Variants in KDM4C observed in about 807,000 individuals in gnomAD.
The protein encoded by KDM4C is lysine demethylase 4C.
KDM4C carries 81 observed loss-of-function variants against 129.3 expected under a neutral mutation model. The ratio of observed to expected loss-of-function variants is 0.63; its 90% CI spans 0.52 to 0.75. The LOEUF (loss-of-function observed/expected upper bound fraction) is 0.75. KDM4C is among the 30% of genes least tolerant of loss of function. KDM4C has a pLI of 0.00. For missense variants in KDM4C, 1,457 were observed against 1,304.0 expected (o/e 1.12, Z -1.81); for synonymous variants, 573 against 456.1 (o/e 1.26, Z -3.26).
At chr9:7,030,031 C>G (rs961342647) in intron 15 of KDM4C, among the ~76,000 whole-genome samples, 3 of 151,954 alleles carry the variant, frequency 2.0e-5, no homozygotes, top group Admixed American at 6.6e-5. Context: ...TACCTATAAT[C>G]TAGATATTAA....
chr9:7,096,583 A>T (rs1836463810), intron 17 of KDM4C, among the ~76,000 whole-genome samples: 1 of 152,336 alleles, frequency 6.6e-6, no homozygotes, highest in African/African-American at 2.4e-5. Flanking sequence ...AATACTACAT[A>T]TTCCCTACCT....
Position 7,165,287 on chromosome 9 carries a change from A to C in KDM4C, c.2831A>C (p.Gln944Pro). The C allele has an allele frequency of 6.2e-7, 1 of 1,614,180 alleles. No homozygotes were observed. The highest frequency in any genetic ancestry group is 8.5e-7 in the Non-Finnish European group (1 of 1,180,010). Reference protein sequence around the residue: ...LGPPAEGEVVQVKWPDGKLYG... With the variant: ...LGPPAEGEVVPVKWPDGKLYG... Reference sequence around the variant, plus strand: ...CCACCTGCTGAGGGAGAAGTCGTCCAAGTCAAGTGGCCCGATGGCAAACTC... The same window carrying C: ...CCACCTGCTGAGGGAGAAGTCGTCCCAGTCAAGTGGCCCGATGGCAAACTC... Residue 944 changes from glutamine to proline, a missense_variant, in exon 20 of 22, where the codon CAA (glutamine) becomes CCA (proline). Physicochemically the swap from Gln to Pro is moderately conservative, Grantham distance 76 (BLOSUM62 -1). Transcript: ENST00000381309.
chr9:7,076,583 A>G, intron 17 of KDM4C: 1 of 1,500,282 alleles, frequency 6.7e-7, no homozygotes, highest in African/African-American at 1.4e-5. Flanking sequence ...AGCAGCCAGC[A>G]TCGTGTTTAG....
At chr9:6,827,159 G>C (rs986067816) in intron 4 of KDM4C, among the ~76,000 whole-genome samples, 37 of 152,170 alleles carry the variant, frequency 2.4e-4, no homozygotes, top group Middle Eastern at 3.2e-3. Flanking sequence ...AAACATCACA[G>C]AATATTTGAC....
chr9:7,067,089 T>C (rs1832526693), intron 17 of KDM4C, among the ~76,000 whole-genome samples: 1 of 152,212 alleles, frequency 6.6e-6, no homozygotes, highest in Non-Finnish European at 1.5e-5. Flanking sequence ...AAATCACTCC[T>C]TTTCCTGGCA....
At chr9:6,802,857 T>G (rs1829272507) in intron 2 of KDM4C, among the ~76,000 whole-genome samples, 1 of 152,256 alleles carries the variant, frequency 6.6e-6, no homozygotes, top group South Asian at 2.1e-4. Context: ...TCTGTCCACC[T>G]TGGCCTCCCA....
In KDM4C at chr9:6,837,510, C is replaced by T. The variant is rs150304827; in HGVS notation, c.436-11997C>T. ...CTTTAAAAGCTTCTTCATGCTGATCCAGTCTTCACGCTTAATATCTTACTA... is the reference window on the plus strand; with the variant it reads ...CTTTAAAAGCTTCTTCATGCTGATCTAGTCTTCACGCTTAATATCTTACTA... On this transcript the variant is annotated intron_variant, in intron 4 of 21. Transcript: ENST00000381309. Among the ~76,000 whole-genome samples, 792 of 152,294 alleles carry T rather than the reference C, an allele frequency of 5.2e-3. 10 individuals are homozygous for T. Among genetic ancestry groups the T allele is most frequent in the African/African-American group, 0.018 (759 of 41,570 alleles).
At chr9:6,913,501 C>T (rs1819703337) in intron 8 of KDM4C, among the ~76,000 whole-genome samples, 1 of 152,182 alleles carries the variant, frequency 6.6e-6, no homozygotes, top group African/African-American at 2.4e-5. Context: ...GTTTCATGTA[C>T]AGTGCGCTTC....
chr9:7,027,066 T>C (rs887912390), intron 15 of KDM4C, among the ~76,000 whole-genome samples: 4 of 152,166 alleles, frequency 2.6e-5, no homozygotes, highest in African/African-American at 9.7e-5. Flanking sequence ...CACATATCTG[T>C]GTTTCTCCAG....
intron 8 of KDM4C, among the ~76,000 whole-genome samples, chr9:6,931,506 A>ATAT (rs367863443): frequency 1.9e-4 from 29 of 151,512 alleles, no homozygotes; most frequent in African/African-American, 7.0e-4. Flanking sequence ...ATATATATAT[A>ATAT]TTTTTTTTTC....
intron 4 of KDM4C, among the ~76,000 whole-genome samples, chr9:6,841,672 C>A (rs571322088): frequency 6.6e-6 from 1 of 152,292 alleles, no homozygotes; most frequent in Admixed American, 6.5e-5. Context: ...AGGGCTGCTT[C>A]CACAGTCTCC....
chr9:7,070,962 T>C (rs7045009), intron 17 of KDM4C, among the ~76,000 whole-genome samples: 89,657 of 151,992 alleles, frequency 0.59, 27,191 homozygotes, highest in South Asian at 0.68. Flanking sequence ...ATAAAACCTA[T>C]GAATGAGTGT....
At chr9:6,997,045 G>A (rs10975956) in intron 12 of KDM4C, among the ~76,000 whole-genome samples, 5,788 of 152,242 alleles carry the variant, frequency 0.038, 163 homozygotes, top group South Asian at 0.12. Flanking sequence ...AGGGTCAGTC[G>A]GCTCCAGCAC....
In KDM4C at chr9:6,990,569, G is replaced by A. The variant is rs764258996; in HGVS notation, c.1786+45G>A. The A allele has an allele frequency of 1.3e-5, 16 of 1,222,582 alleles. No homozygotes were observed. The South Asian group carries it at 1.4e-4, about 11-fold the overall frequency. The allele number at this position is 1,222,582 out of a possible 1,614,324, so 75.7% of individuals were successfully genotyped here. A position where few individuals can be genotyped will look rare whatever the true frequency, so the allele number is the denominator to read the frequency against. ...TGGGATTTTTTTTTTTTTTTTTGGTGTGTAAAACAAACTATTGTAAAAAAA... is the reference window on the plus strand; with the variant it reads ...TGGGATTTTTTTTTTTTTTTTTGGTATGTAAAACAAACTATTGTAAAAAAA... On this transcript the variant is annotated intron_variant, in intron 12 of 21. Transcript: ENST00000381309.
intron 1 of KDM4C, among the ~76,000 whole-genome samples, chr9:6,788,113 G>C (rs965602693): frequency 6.6e-6 from 1 of 152,024 alleles, no homozygotes; most frequent in Non-Finnish European, 1.5e-5. Flanking sequence ...TCAGCCCTTT[G>C]TTCCTCCGAA....
At chr9:7,041,967 C>T (rs1828676871) in intron 15 of KDM4C, among the ~76,000 whole-genome samples, 1 of 152,022 alleles carries the variant, frequency 6.6e-6, no homozygotes, top group African/African-American at 2.4e-5. Context: ...GCTTTTTGCA[C>T]CTCAAGAGGA....
chr9:6,853,900 A>G (rs1839293422), intron 5 of KDM4C, among the ~76,000 whole-genome samples: 3 of 152,226 alleles, frequency 2.0e-5, no homozygotes, highest in South Asian at 2.1e-4. Flanking sequence ...AAATGGAGGC[A>G]TGATTTATTC....
chr9:6,858,639 G>A (rs1038733293), intron 5 of KDM4C, among the ~76,000 whole-genome samples: 1 of 152,066 alleles, frequency 6.6e-6, no homozygotes, highest in African/African-American at 2.4e-5. Context: ...CGGGTGTGGT[G>A]ACGTGCGCCT....
intron 8 of KDM4C, among the ~76,000 whole-genome samples, chr9:6,930,707 GATT>G (rs1010494130): frequency 7.4e-6 from 1 of 135,318 alleles, no homozygotes; most frequent in African/African-American, 2.6e-5. Flanking sequence ...CATATCATAT[GATT>G]ATACTATTAT....
Sources: allele counts gnomAD v4.1 joint callset (sites outside exome capture counted in the v4.1 genomes callset), GRCh38; gene constraint gnomAD v4.1.1; transcripts MANE v1.5; gene names NCBI Gene and HGNC (gene_info 2026-07-23, HGNC 2026-07-21).